Variants in TF observed in about 807,000 individuals in gnomAD.
TF encodes transferrin.
TF carries 55 observed loss-of-function variants against 82.4 expected under a neutral mutation model. The ratio of observed to expected loss-of-function variants is 0.67; its 90% CI spans 0.54 to 0.84. The LOEUF is 0.84. Ranked by LOEUF, TF falls within the 40% of genes least tolerant of loss-of-function variation. TF has a pLI of 0.00. For missense variants in TF, 737 were observed against 868.4 expected, an observed-to-expected ratio of 0.85 and a Z score of 1.90; for synonymous variants, 332 against 332.6, an observed-to-expected ratio of 1.00 and a Z score of 0.02.
Position 133,762,973 on chromosome 3 carries a change from C to T in TF, c.1204-1209C>T, listed in dbSNP as rs540330902. Among the ~76,000 whole-genome samples, 7 of 152,350 alleles carry T rather than the reference C, an allele frequency of 4.6e-5. No individual in the cohort carries two copies. In the South Asian group the frequency reaches 1.0e-3, roughly 23 times the overall value. On this transcript the variant is annotated intron_variant, in intron 9 of 16. Transcript: ENST00000402696. ...TAGATTTTTACTTCTTAAGACATCACCATTTTCAACAGACAGGATTAGTAA... is the reference window on the plus strand; with the variant it reads ...TAGATTTTTACTTCTTAAGACATCATCATTTTCAACAGACAGGATTAGTAA...
chr3:133,740,901 A>G, the TF span, among the ~76,000 whole-genome samples: 1 of 85,796 alleles, frequency 1.2e-5, no homozygotes, highest in Admixed American at 1.2e-4. Flanking sequence ...CTTAGGTAGC[A>G]TTTTTCATGT....
intron 14 of TF, among the ~76,000 whole-genome samples, chr3:133,771,491 A>G (rs1265943785): frequency 6.6e-6 from 1 of 151,700 alleles, no homozygotes; most frequent in East Asian, 1.9e-4. Flanking sequence ...TAATCCCAGA[A>G]CTTTGGGAGG....
the TF span, among the ~76,000 whole-genome samples, chr3:133,663,726 C>G: frequency 6.6e-6 from 1 of 152,192 alleles, no homozygotes; most frequent in Middle Eastern, 3.2e-3. Context: ...CACACTGCTC[C>G]TGGGCACGTG....
intron 9 of TF, chr3:133,760,894 T>G (rs1933976690): frequency 6.6e-6 from 1 of 152,616 alleles, no homozygotes; most frequent in Admixed American, 6.5e-5. Flanking sequence ...GCCCATGGAT[T>G]AATGAAACAA....
In TF at chr3:133,796,546, T is replaced by C. The variant is rs1399151998; in HGVS notation, c.*17926T>C. 6.6e-6 allele frequency: 1 copy of C among 152,206 alleles called. No homozygotes were observed. The highest frequency in any genetic ancestry group is 2.4e-5 in the African/African-American group (1 of 41,452). The allele number at this position is 152,206 out of a possible 1,614,324, so 9.4% of individuals were successfully genotyped here. A position where few individuals can be genotyped will look rare whatever the true frequency, so the allele number is the denominator to read the frequency against. Reference sequence around the variant, plus strand: ...TAGAGGGTATTTAAACCCCAGAAAATTCTGTAACCGGGCTATTGAGCCCCT... The same window carrying C: ...TAGAGGGTATTTAAACCCCAGAAAACTCTGTAACCGGGCTATTGAGCCCCT... On this transcript the variant is annotated 3_prime_UTR_variant, in exon 17 of 17. Coordinates refer to ENST00000402696, the MANE Select transcript of TF (RefSeq NM_001063.4).
intron 9 of TF, chr3:133,761,745 G>C (rs987062625): frequency 3.9e-5 from 6 of 152,450 alleles, no homozygotes; most frequent in Admixed American, 2.6e-4. Flanking sequence ...TGTGAAGCTA[G>C]CTAGGTGGAA....
chr3:133,691,665 G>A, the TF span: 1 of 152,870 alleles, frequency 6.5e-6, no homozygotes, highest in Non-Finnish European at 1.5e-5. Flanking sequence ...CAGAGGGTTA[G>A]AGGAGTCTTT....
chr3:133,740,339 TG>T, the TF span, among the ~76,000 whole-genome samples: 3 of 152,160 alleles, frequency 2.0e-5, no homozygotes, highest in East Asian at 3.9e-4. Context: ...CTCAGGGGGT[TG>T]GGGGCTAAGG....
At chr3:133,675,665 C>T in the TF span, among the ~76,000 whole-genome samples, 1 of 152,210 alleles carries the variant, frequency 6.6e-6, no homozygotes, top group Non-Finnish European at 1.5e-5. Flanking sequence ...GTTTCAGCAG[C>T]TGTTAACTAC....
Position 133,790,439 on chromosome 3 carries a change from G to C in TF, c.*11819G>C, listed in dbSNP as rs1934803228. 1 of 152,168 alleles carries C rather than the reference G, an allele frequency of 6.6e-6. No individual in the cohort carries two copies. Among genetic ancestry groups the C allele is most frequent in the Non-Finnish European group, 1.5e-5 (1 of 68,022 alleles). 9.4% of individuals were successfully genotyped at this position (152,168 alleles called of 1,614,324 possible). Reference sequence around the variant, plus strand: ...AGAATAATTTAGAAGTTATCTAAAAGTTAGTTCAAATTACAGATTTGAAAA... The same window carrying C: ...AGAATAATTTAGAAGTTATCTAAAACTTAGTTCAAATTACAGATTTGAAAA... On this transcript the variant is annotated 3_prime_UTR_variant, in exon 17 of 17. Coordinates refer to ENST00000402696, the MANE Select transcript of TF (RefSeq NM_001063.4).
At chr3:133,733,362 A>C in the TF span, among the ~76,000 whole-genome samples, 2 of 152,140 alleles carry the variant, frequency 1.3e-5, no homozygotes, top group Non-Finnish European at 2.9e-5. Context: ...ATCCCTGACT[A>C]CTAACCTCCT....
At chr3:133,739,391 G>A in the TF span, among the ~76,000 whole-genome samples, 1 of 152,116 alleles carries the variant, frequency 6.6e-6, no homozygotes, top group African/African-American at 2.4e-5. Context: ...ATACCATTCA[G>A]GACATAGGCA....
intron 2 of TF, 24 bp downstream of exon 2, chr3:133,748,608 GA>G (rs1933574536): frequency 6.2e-7 from 1 of 1,613,468 alleles, no homozygotes; most frequent in Admixed American, 1.7e-5. Flanking sequence ...GCCTAAAAGA[GA>G]GTGGAAGAAA....
chr3:133,745,543 G>T (rs1048519108), upstream of TF, among the ~76,000 whole-genome samples: 4 of 152,208 alleles, frequency 2.6e-5, no homozygotes, highest in Admixed American at 2.6e-4. Context: ...TGATAAGGAT[G>T]TGTAATTAAA....
chr3:133,766,950 AC>A (rs1934143668), intron 12 of TF, among the ~76,000 whole-genome samples: 1 of 152,236 alleles, frequency 6.6e-6, no homozygotes, highest in African/African-American at 2.4e-5. Context: ...GAACTTAGGT[AC>A]ATCACCATAC....
chr3:133,731,034 A>G, the TF span, among the ~76,000 whole-genome samples: 4 of 152,254 alleles, frequency 2.6e-5, no homozygotes, highest in Admixed American at 2.6e-4. Flanking sequence ...GTTGACACCA[A>G]TTATTTGCAA....
the TF span, among the ~76,000 whole-genome samples, chr3:133,663,896 T>A: frequency 6.6e-6 from 1 of 152,206 alleles, no homozygotes; most frequent in South Asian, 2.1e-4. Context: ...CGGAACTTGA[T>A]ACCAGAGGAG....
In TF at chr3:133,775,590, C is replaced by A; in HGVS notation, c.1845C>A (p.Cys615Ter). 2 of 1,614,188 alleles carry A rather than the reference C, an allele frequency of 1.2e-6. No homozygotes were observed. The highest frequency in any genetic ancestry group is 1.7e-6 in the Non-Finnish European group (2 of 1,180,036). ...AVVTRKDKEA[C>*]VHKILRQQQH... ...TCACACGGAAAGATAAGGAAGCTTG[C>A]GTCCACAAGATATTACGTCAACAGC... is the stretch of plus-strand genomic sequence containing the variant. Residue 615 changes from cysteine to a stop codon, truncating the protein, a stop_gained, in exon 15 of 17, where the codon TGC becomes TGA. Transcript: ENST00000402696. LOFTEE classifies it high-confidence loss of function.
Position 133,783,792 on chromosome 3 carries a change from G to C in TF, c.*5172G>C, listed in dbSNP as rs986131951. ...GAGCCCTGGCCGCGGCTGCCCCACC[G>C]GGCCCATTTCTTGAAGCAGCGGCGA... is the stretch of plus-strand genomic sequence containing the variant. On this transcript the variant is annotated 3_prime_UTR_variant, in exon 17 of 17. Transcript: ENST00000402696. 20 of 152,244 alleles carry C rather than the reference G, an allele frequency of 1.3e-4. No homozygotes were observed. The highest frequency in any genetic ancestry group is 1.2e-3 in the Admixed American group (19 of 15,290). 9.4% of individuals were successfully genotyped at this position (152,244 alleles called of 1,614,324 possible).
Sources: gnomAD v4.1 joint callset for allele counts (sites outside exome capture counted in the v4.1 genomes callset) on GRCh38, gnomAD v4.1.1 for gene constraint, MANE v1.5 for transcripts, NCBI Gene and HGNC (gene_info 2026-07-23, HGNC 2026-07-21) for gene names.